The following RAB3GAP2 variants were observed in gnomAD, a reference collection of about 807,000 sequenced individuals.
RAB3GAP2 encodes the protein RAB3 GTPase activating non-catalytic protein subunit 2.
In RAB3GAP2, 87 loss-of-function variants were observed where a neutral mutation model predicts 185.3. The observed-to-expected ratio is 0.47, with a 90% CI of 0.39 to 0.56. RAB3GAP2 has a LOEUF of 0.56. Among genes scored for constraint, RAB3GAP2 ranks in the 20% least tolerant of loss-of-function variants. The pLI is 0.00. For synonymous variants in RAB3GAP2, 554 were observed against 576.1 expected (o/e 0.96, Z 0.55); for missense variants, 1,492 against 1,638.2 (o/e 0.91, Z 1.54).
chr1:220,269,091 A>C (rs1264001998), intron 1 of RAB3GAP2, among the ~76,000 whole-genome samples: 1 of 152,236 alleles, frequency 6.6e-6, no homozygotes, highest in Non-Finnish European at 1.5e-5. Flanking sequence ...AGTAGGAACA[A>C]GGGGGTTGTA....
At chr1:220,261,001 G>A (rs977094278) in intron 1 of RAB3GAP2, among the ~76,000 whole-genome samples, 4 of 152,114 alleles carry the variant, frequency 2.6e-5, no homozygotes, top group African/African-American at 9.7e-5. Flanking sequence ...ACAGTACTGA[G>A]GTTTTAACGT....
chr1:220,213,031 T>C (rs1440410822), intron 3 of RAB3GAP2, 63 bp from the exon 4 acceptor site: 27 of 1,270,262 alleles, frequency 2.1e-5, no homozygotes, highest in South Asian at 7.2e-5. Context: ...GAGTAATTTA[T>C]AAATTTTGCT....
intron 1 of RAB3GAP2, among the ~76,000 whole-genome samples, chr1:220,270,814 T>C (rs887385586): frequency 3.9e-5 from 6 of 152,232 alleles, no homozygotes; most frequent in African/African-American, 1.2e-4. Context: ...AATCTGACAA[T>C]GTCATTTCTC....
intron 7 of RAB3GAP2, chr1:220,208,014 T>C (rs1244301919): frequency 6.6e-6 from 1 of 152,208 alleles, no homozygotes; most frequent in East Asian, 1.9e-4. Context: ...ATTTTTGATA[T>C]ATAAATTGAC....
At chr1:220,163,046 A>T (rs1348198975) in intron 27 of RAB3GAP2, among the ~76,000 whole-genome samples, 2 of 152,190 alleles carry the variant, frequency 1.3e-5, no homozygotes, top group African/African-American at 2.4e-5. Flanking sequence ...GGCTGAGGTG[A>T]TAGCATAGCT....
At chr1:220,266,377 C>T in intron 1 of RAB3GAP2, 1 of 418,058 alleles carries the variant, frequency 2.4e-6, no homozygotes, top group Non-Finnish European at 4.5e-6. Context: ...GGTCACTTTC[C>T]CCATAGCCAG....
rs746837602 is a variant in RAB3GAP2 at position 220,153,280 on chromosome 1, C to A, written c.3772G>T (p.Asp1258Tyr). ...KDQDWPALAV[D>Y]LAHHLQVSED... ...CTAACTTGAAGGTGATGGGCTAAAT[C>A]CACAGCTAGAGCTGGCCAATCTTGG... Residue 1258 changes from aspartate (D) to tyrosine (Y), a missense_variant, in exon 33 of 35, where the codon GAT becomes TAT. Asp to Tyr is a radical substitution (Grantham distance 160). Coordinates refer to ENST00000358951, the MANE Select transcript of RAB3GAP2 (RefSeq NM_012414.4). The A allele has an allele frequency of 3.1e-6, 5 of 1,614,032 alleles. No homozygotes were observed. The East Asian group carries it at 8.9e-5, about 29-fold the overall frequency.
At chr1:220,245,743 A>C (rs553358146) in intron 1 of RAB3GAP2, among the ~76,000 whole-genome samples, 62 of 152,260 alleles carry the variant, frequency 4.1e-4, no homozygotes, top group African/African-American at 1.5e-3. Context: ...AGACAGCAGT[A>C]ACCTCTGCAG....
Position 220,149,513 on chromosome 1 carries a change from C to A in RAB3GAP2, c.*1738G>T, listed in dbSNP as rs937530135. On this transcript the variant is annotated 3_prime_UTR_variant, in exon 35 of 35. Coordinates refer to ENST00000358951, the MANE Select transcript of RAB3GAP2 (RefSeq NM_012414.4). ...CTTAAGTTCATACTACTACTTTCAGCGTACTTGGAAAAATCACAGGAAGAA... is the reference window on the plus strand; with the variant it reads ...CTTAAGTTCATACTACTACTTTCAGAGTACTTGGAAAAATCACAGGAAGAA... 6.6e-6 allele frequency: 1 copy of A among 152,158 alleles called. No homozygotes were observed. The highest frequency in any genetic ancestry group is 2.4e-5 in the African/African-American group (1 of 41,434). The allele number at this position is 152,158 out of a possible 1,614,324, so 9.4% of individuals were successfully genotyped here.
intron 2 of RAB3GAP2, among the ~76,000 whole-genome samples, 169 bp from the exon 3 acceptor site, chr1:220,214,148 A>G (rs575445576): frequency 1.3e-5 from 2 of 152,358 alleles, no homozygotes; most frequent in South Asian, 2.1e-4. Context: ...ATGGCTGACA[A>G]ACAAAATACC....
At chr1:220,162,714 CAT>C (rs1657984782) in intron 27 of RAB3GAP2, among the ~76,000 whole-genome samples, 2 of 152,188 alleles carry the variant, frequency 1.3e-5, no homozygotes, top group Admixed American at 6.5e-5. Flanking sequence ...TGAAGCTAAA[CAT>C]GTGTCTGCTC....
At position 220,270,477 on chromosome 1, in the gene RAB3GAP2, G is replaced by A. The variant is rs76692199; in HGVS notation, c.115+1746C>T. 6.5e-3 allele frequency among the ~76,000 whole-genome samples: 992 copies of A among 152,272 alleles called. 29 individuals carry two copies. Among genetic ancestry groups the A allele is most frequent in the East Asian group, 0.054 (282 of 5,178 alleles). On this transcript the variant is annotated intron_variant, in intron 1 of 34. Coordinates refer to ENST00000358951, the MANE Select transcript of RAB3GAP2 (RefSeq NM_012414.4). ...ACCATAAACATTTAAAATGCAAAAG[G>A]TTGAAAATCTGTATCCTTCATTCTC...
rs554333753 is a variant in RAB3GAP2, at chr1:220,150,588, T to A, written c.*663A>T. 6.6e-6 allele frequency: 1 copy of A among 152,492 alleles called. No individual in the cohort carries two copies. The highest frequency in any genetic ancestry group is 2.1e-4 in the South Asian group (1 of 4,818). 9.4% of individuals were successfully genotyped at this position (152,492 alleles called of 1,614,324 possible). On this transcript the variant is annotated 3_prime_UTR_variant, in exon 35 of 35. Coordinates refer to ENST00000358951, the MANE Select transcript of RAB3GAP2 (RefSeq NM_012414.4). ...TAATTAATTTGCTGCATTTTACACA[T>A]CTCTGATTCTCAATTTTGGCAAGTA...
At position 220,190,474 on chromosome 1, in the gene RAB3GAP2, T is replaced by C. The variant is rs778307190; in HGVS notation, c.1534A>G (p.Ser512Gly). 4 of 1,609,468 alleles carry C rather than the reference T, an allele frequency of 2.5e-6. No homozygotes were observed. The African/African-American group carries it at 4.0e-5, about 16-fold the overall frequency. Residue 512 changes from serine to glycine, a missense_variant, in exon 15 of 35, where the codon AGT becomes GGT. By Grantham distance (56) the Ser-to-Gly change is moderately conservative. Around this residue, in one of 5 missense-constraint regions of RAB3GAP2, gnomAD observed 681 missense variants for 689.1 expected, o/e 0.99. Transcript: ENST00000358951. Reference sequence around the variant, plus strand: ...TAAGTCTGTGGCTGCCAACTCTGACTGGTAACATTATTTAAACCCATTATT... The same window carrying C: ...TAAGTCTGTGGCTGCCAACTCTGACCGGTAACATTATTTAAACCCATTATT... The part of the protein sequence containing the change: ...YKIMGLNNVT[S>G]QSWQPQTYQI...
chr1:220,243,936 A>G (rs1307681454), intron 1 of RAB3GAP2, among the ~76,000 whole-genome samples: 1 of 152,220 alleles, frequency 6.6e-6, no homozygotes, highest in Non-Finnish European at 1.5e-5. Flanking sequence ...AATAAAAGCC[A>G]TATATGACAA....
At chr1:220,191,454 C>T (rs1406683605) in intron 13 of RAB3GAP2, among the ~76,000 whole-genome samples, 170 bp from the exon 14 acceptor site, 3 of 151,874 alleles carry the variant, frequency 2.0e-5, no homozygotes, top group Admixed American at 6.6e-5. Context: ...AAATAATAAC[C>T]AGTCTATCAC....
intron 33 of RAB3GAP2, 128 bp from the exon 34 acceptor site, chr1:220,151,892 A>G (rs563621926): frequency 1.0e-6 from 1 of 984,044 alleles, no homozygotes; most frequent in Non-Finnish European, 1.5e-6. Flanking sequence ...TTTTGATTGT[A>G]TACAACCAAA....
At chr1:220,251,645 G>A (rs558791777) in intron 1 of RAB3GAP2, among the ~76,000 whole-genome samples, 2 of 152,324 alleles carry the variant, frequency 1.3e-5, no homozygotes, top group Admixed American at 6.5e-5. Context: ...ATAAGTGTAT[G>A]TGTAGATAGG....
At chr1:220,261,225 G>T (rs1341097112) in intron 1 of RAB3GAP2, among the ~76,000 whole-genome samples, 1 of 152,086 alleles carries the variant, frequency 6.6e-6, no homozygotes, top group Non-Finnish European at 1.5e-5. Context: ...TTTTTTAAAG[G>T]CAAGATATGG....
Sources: gnomAD v4.1 joint callset for allele counts (sites outside exome capture counted in the v4.1 genomes callset) on GRCh38, gnomAD v4.1.1 for gene constraint, gnomAD v4.1.1 regional missense constraint, MANE v1.5 for transcripts, NCBI Gene and HGNC (gene_info 2026-07-23, HGNC 2026-07-21) for gene names.